The following UROS variants were observed in gnomAD, a reference collection of about 807,000 sequenced individuals.
UROS encodes the protein uroporphyrinogen III synthase.
Under a neutral mutation model 33.0 loss-of-function variants are expected in UROS, and 18 were observed. That is an observed-to-expected ratio of 0.55 (90% CI 0.38 to 0.81). The LOEUF (loss-of-function observed/expected upper bound fraction) is 0.81. Among genes scored for constraint, UROS ranks in the 30% least tolerant of loss-of-function variants. The pLI is 0.00. For missense variants in UROS, 293 were observed against 314.9 expected, an observed-to-expected ratio of 0.93 and a Z score of 0.53; for synonymous variants, 114 against 121.1, an observed-to-expected ratio of 0.94 and a Z score of 0.38.
chr10:125,813,320 T>G (rs1006624469), intron 4 of UROS, among the ~76,000 whole-genome samples: 4 of 152,228 alleles, frequency 2.6e-5, no homozygotes, highest in African/African-American at 7.2e-5. Context: ...TCCCTATGGT[T>G]GTTGTGAGAA....
chr10:125,794,310 T>C (rs1851170559), intron 9 of UROS: 2 of 989,706 alleles, frequency 2.0e-6, no homozygotes, highest in East Asian at 2.2e-4. Context: ...CTGCAGTGAG[T>C]GGCAGTGTCT....
At chr10:125,800,563 TTC>T (rs1337074619) in intron 6 of UROS, among the ~76,000 whole-genome samples, 2 of 131,634 alleles carry the variant, frequency 1.5e-5, no homozygotes, top group African/African-American at 5.4e-5. Flanking sequence ...CTTTCTTTCT[TTC>T]TTTTTTTTTT....
At chr10:125,822,514 G>C (rs975940607) in intron 1 of UROS, among the ~76,000 whole-genome samples, 4 of 152,060 alleles carry the variant, frequency 2.6e-5, no homozygotes, top group African/African-American at 7.2e-5. Context: ...GTAGAGATGG[G>C]ATTTCGCCAT....
chr10:125,789,289 G>A lies in UROS; in HGVS notation c.661-284C>T, dbSNP rs986243779. The A allele has an allele frequency of 2.0e-5, 27 of 1,372,774 alleles. No homozygotes were observed. The East Asian group carries it at 4.1e-4, about 21-fold the overall frequency. 85.0% of individuals were successfully genotyped at this position (1,372,774 alleles called of 1,614,324 possible). ...GCCCCAGGCTGGTGCTCACCATCAC[G>A]GCTGTGTCAGTGCAGTCCTTCCTCA... On this transcript the variant is annotated intron_variant, in intron 9 of 9. Coordinates refer to ENST00000368797, the MANE Select transcript of UROS (RefSeq NM_000375.3).
intron 9 of UROS, chr10:125,789,636 G>A (rs915105219): frequency 3.2e-5 from 5 of 157,320 alleles, no homozygotes; most frequent in South Asian, 1.9e-4. Flanking sequence ...CTCAATGACC[G>A]TCATGGGCTG....
chr10:125,795,747 A>T (rs933171308), intron 8 of UROS, among the ~76,000 whole-genome samples: 1 of 152,214 alleles, frequency 6.6e-6, no homozygotes, highest in African/African-American at 2.4e-5. Flanking sequence ...CTGTACAAAA[A>T]GCTTTGCGTA....
At position 125,798,538 on chromosome 10, in the gene UROS, A is replaced by G. The variant is rs950340269; in HGVS notation, c.395-393T>C. Among the ~76,000 whole-genome samples, 7 of 152,078 alleles carry G rather than the reference A, an allele frequency of 4.6e-5. 1 individual carries two copies. The highest frequency in any genetic ancestry group is 1.0e-4 in the Non-Finnish European group (7 of 68,016). ...GGTGCTGACTGGCACTGGGGCAAAC[A>G]TTTTCTACCTTTAAAGAGGCTCCAG... On this transcript the variant is annotated intron_variant, in intron 6 of 9. Coordinates refer to ENST00000368797, the MANE Select transcript of UROS (RefSeq NM_000375.3).
rs891924392 is a variant in UROS at position 125,802,809 on chromosome 10, G to A, written c.394+4604C>T. The stretch of plus-strand genomic sequence containing the variant: ...GCGGTACAGACTGAGGCATCTGTGC[G>A]AGGCCCTGTGCGCTCCTGGAGATGA... On this transcript the variant is annotated intron_variant, in intron 6 of 9. Transcript: ENST00000368797. 8 of 1,461,288 alleles carry A rather than the reference G, an allele frequency of 5.5e-6. No homozygotes were observed. In the African/African-American group the frequency reaches 7.1e-5, roughly 13 times the overall value. The allele number at this position is 1,461,288 out of a possible 1,614,324, so 90.5% of individuals were successfully genotyped here. A position where few individuals can be genotyped will look rare whatever the true frequency, so the allele number is the denominator to read the frequency against.
chr10:125,802,650 T>C (rs956135734), intron 6 of UROS: 11 of 1,191,604 alleles, frequency 9.2e-6, no homozygotes, highest in Non-Finnish European at 1.2e-5. Context: ...GATTACAGTC[T>C]CCTGAACTGT....
intron 6 of UROS, among the ~76,000 whole-genome samples, chr10:125,804,130 G>T (rs879037717): frequency 2.2e-4 from 33 of 152,194 alleles, no homozygotes; most frequent in Admixed American, 2.0e-3. Context: ...GTGACTGGTG[G>T]TGGCCCCTAG....
At chr10:125,786,472 C>T (rs904405718), downstream of UROS, among the ~76,000 whole-genome samples, 9 of 152,056 alleles carry the variant, frequency 5.9e-5, no homozygotes, top group African/African-American at 2.2e-4. Context: ...TGGGGTTTCA[C>T]CATGTTGGTC....
chr10:125,802,355 A>T, intron 6 of UROS: 1 of 985,876 alleles, frequency 1.0e-6, no homozygotes, highest in South Asian at 4.7e-5. Flanking sequence ...CTATTTCAAC[A>T]CCTGGCTGAA....
At chr10:125,814,359 G>A (rs1853108136) in intron 4 of UROS, among the ~76,000 whole-genome samples, 1 of 152,188 alleles carries the variant, frequency 6.6e-6, no homozygotes, top group Admixed American at 6.5e-5. Context: ...TGTGAGGCCT[G>A]GCTCTGCACT....
intron 9 of UROS, chr10:125,794,251 CAT>C (rs1470666939): frequency 3.7e-6 from 3 of 811,932 alleles, no homozygotes; most frequent in Admixed American, 6.1e-5. Context: ...ATACTCCCCA[CAT>C]GAGATGCACC....
At chr10:125,800,791 A>G (rs1851785651) in intron 6 of UROS, among the ~76,000 whole-genome samples, 1 of 151,844 alleles carries the variant, frequency 6.6e-6, no homozygotes, top group Non-Finnish European at 1.5e-5. Context: ...CCTGGTCTCA[A>G]ACTCCTGACT....
chr10:125,794,241 A>C (rs752002490), intron 9 of UROS: 1 of 734,820 alleles, frequency 1.4e-6, no homozygotes, highest in East Asian at 1.3e-4. Flanking sequence ...AGAGCGGTGC[A>C]TACTCCCCAC....
chr10:125,803,527 G>A (rs1047063858), intron 6 of UROS, among the ~76,000 whole-genome samples: 1 of 152,174 alleles, frequency 6.6e-6, no homozygotes. Flanking sequence ...AAATTTCAGA[G>A]ACACTCCTAA....
At chr10:125,816,641 T>G (rs537987293) in intron 1 of UROS, 116 bp from the exon 2 acceptor site, 4 of 971,760 alleles carry the variant, frequency 4.1e-6, no homozygotes, top group South Asian at 4.1e-5. Flanking sequence ...AAGAGACCTA[T>G]CCCTCCTACA....
Position 125,819,507 on chromosome 10 carries a change from T to C in UROS, c.-26-2982A>G, listed in dbSNP as rs143742265. Among the ~76,000 whole-genome samples the C allele has an allele frequency of 1.0e-3, 157 of 152,186 alleles. 4 individuals carry two copies. The highest frequency in any genetic ancestry group is 3.7e-3 in the African/African-American group (152 of 41,514). On this transcript the variant is annotated intron_variant, in intron 1 of 9. Coordinates refer to ENST00000368797, the MANE Select transcript of UROS (RefSeq NM_000375.3). ...TGGAGGCATCTGATCCCTGTGCAGT[T>C]TTTCTTCTCCTCCCTCTCTCCTGCT... is the stretch of plus-strand genomic sequence containing the variant.
Sources: allele counts gnomAD v4.1 joint callset (sites outside exome capture counted in the v4.1 genomes callset), GRCh38; gene constraint gnomAD v4.1.1; transcripts MANE v1.5; gene names NCBI Gene and HGNC (gene_info 2026-07-23, HGNC 2026-07-21).